Variants in ARMH4 observed in about 807,000 individuals in gnomAD.
ARMH4 encodes the protein armadillo-like helical domain-containing protein 4.
A neutral mutation model predicts 61.9 loss-of-function variants in ARMH4; 49 were observed. That is an observed-to-expected ratio of 0.79 (90% confidence interval 0.63 to 1.00). The LOEUF (loss-of-function observed/expected upper bound fraction) is 1.00. Ranked by LOEUF, ARMH4 falls within the 50% of genes least tolerant of loss-of-function variation. ARMH4 has a pLI of 0.00. For missense variants in ARMH4, 934 were observed against 930.0 expected (o/e 1.00, Z -0.06); for synonymous variants, 368 against 341.5 (o/e 1.08, Z -0.85).
At chr14:58,071,295 G>T (rs975072866) in intron 5 of ARMH4, among the ~76,000 whole-genome samples, 1 of 151,620 alleles carries the variant, frequency 6.6e-6, no homozygotes, top group Non-Finnish European at 1.5e-5. Context: ...CAATTTTTTT[G>T]GTCTCCTGGC....
chr14:58,099,211 T>C (rs912755347), intron 4 of ARMH4, among the ~76,000 whole-genome samples: 1 of 152,162 alleles, frequency 6.6e-6, no homozygotes, highest in Non-Finnish European at 1.5e-5. Flanking sequence ...ATTTTGGGAA[T>C]TGTCAATTTA....
chr14:58,068,087 G>A (rs914986957), intron 5 of ARMH4, among the ~76,000 whole-genome samples: 1 of 152,172 alleles, frequency 6.6e-6, no homozygotes, highest in African/African-American at 2.4e-5. Flanking sequence ...GCAAGAGTGT[G>A]AGTTAAGCAG....
At chr14:58,128,608 G>T (rs1244167048) in intron 4 of ARMH4, among the ~76,000 whole-genome samples, 2 of 152,154 alleles carry the variant, frequency 1.3e-5, no homozygotes, top group African/African-American at 4.8e-5. Context: ...CAAGATAAAA[G>T]ACACTGAAAT....
intron 7 of ARMH4, 49 bp from the exon 8 acceptor site, chr14:58,004,853 A>G: frequency 6.3e-7 from 1 of 1,577,244 alleles, no homozygotes; most frequent in Non-Finnish European, 8.7e-7. Context: ...CCACAGAGCA[A>G]AGCTGAGAAA....
At chr14:58,123,462 A>G (rs1038751389) in intron 4 of ARMH4, among the ~76,000 whole-genome samples, 2 of 152,170 alleles carry the variant, frequency 1.3e-5, no homozygotes, top group Non-Finnish European at 2.9e-5. Context: ...ATCATGCAAT[A>G]GCCCCTGCAA....
intron 4 of ARMH4, among the ~76,000 whole-genome samples, chr14:58,102,647 T>C (rs535175003): frequency 1.0e-4 from 15 of 144,984 alleles, no homozygotes; most frequent in Admixed American, 7.6e-4. Context: ...CCGTCTCTAC[T>C]AAAAATACAA....
intron 5 of ARMH4, among the ~76,000 whole-genome samples, chr14:58,060,887 C>T (rs72714794): frequency 1.2e-3 from 176 of 152,248 alleles, no homozygotes; most frequent in Non-Finnish European, 1.5e-3. Flanking sequence ...ATAATGCTTG[C>T]GGTGGTCACA....
intron 5 of ARMH4, among the ~76,000 whole-genome samples, chr14:58,061,423 A>T (rs1257917922): frequency 6.6e-6 from 1 of 152,038 alleles, no homozygotes; most frequent in Non-Finnish European, 1.5e-5. Context: ...CACCTTACCG[A>T]GCCCACCTCA....
intron 6 of ARMH4, among the ~76,000 whole-genome samples, chr14:58,011,763 T>C (rs1292779844): frequency 4.1e-5 from 4 of 97,434 alleles, no homozygotes; most frequent in African/African-American, 9.9e-5. Context: ...AGTCTCATAT[T>C]AGAAAAAAAA....
In ARMH4 at chr14:58,139,116, T is replaced by A. The variant is rs1460918772; in HGVS notation, c.243A>T (p.Pro81=). The A allele has an allele frequency of 1.4e-5, 23 of 1,614,270 alleles. No individual in the cohort carries two copies. Among genetic ancestry groups the A allele is most frequent in the Non-Finnish European group, 1.9e-5 (23 of 1,180,050 alleles). Residue 81 remains proline, a synonymous_variant, in exon 2 of 8, where the codon CCA becomes CCT. Coordinates refer to ENST00000267485, the MANE Select transcript of ARMH4 (RefSeq NM_001001872.4). Reference sequence around the variant, plus strand: ...ATGCTTTATTTAATGATGTTGCCGATGGTACTGCTGACATCATCATTGGAT... The same window carrying A: ...ATGCTTTATTTAATGATGTTGCCGAAGGTACTGCTGACATCATCATTGGAT... ...SEDPMMMSAV[P]SATSLNKAFS...
chr14:58,149,212 C>T (rs1887845271), intron 1 of ARMH4, among the ~76,000 whole-genome samples: 1 of 152,088 alleles, frequency 6.6e-6, no homozygotes, highest in Non-Finnish European at 1.5e-5. Context: ...CTCTATTAAC[C>T]CAGCTGTGGC....
chr14:58,062,415 A>G (rs563483955), intron 5 of ARMH4, among the ~76,000 whole-genome samples: 2 of 152,336 alleles, frequency 1.3e-5, no homozygotes, highest in South Asian at 2.1e-4. Context: ...GGCTCTATGC[A>G]TTAGCTACAA....
At chr14:58,108,986 A>ACTCATCTT (rs1211651774) in intron 4 of ARMH4, among the ~76,000 whole-genome samples, 1 of 151,786 alleles carries the variant, frequency 6.6e-6, no homozygotes, top group Non-Finnish European at 1.5e-5. Context: ...CATGTCTTTC[A>ACTCATCTT]CTCATCTTTC....
intron 5 of ARMH4, among the ~76,000 whole-genome samples, chr14:58,053,562 C>T (rs186426466): frequency 6.4e-4 from 97 of 152,340 alleles, no homozygotes; most frequent in African/African-American, 2.3e-3. Context: ...CCAGGGAAGC[C>T]TTCTCTGACC....
intron 5 of ARMH4, among the ~76,000 whole-genome samples, chr14:58,042,591 A>C (rs972254081): frequency 6.6e-6 from 1 of 152,144 alleles, no homozygotes; most frequent in Non-Finnish European, 1.5e-5. Context: ...GCAAGAAATA[A>C]CTAAGATCAG....
intron 5 of ARMH4, among the ~76,000 whole-genome samples, chr14:58,019,297 G>A (rs1172151963): frequency 6.6e-6 from 1 of 152,106 alleles, no homozygotes; most frequent in African/African-American, 2.4e-5. Flanking sequence ...GACTAAGTAT[G>A]TTATTAGCTT....
At chr14:58,093,290 C>A (rs147512365) in intron 5 of ARMH4, among the ~76,000 whole-genome samples, 1 of 152,190 alleles carries the variant, frequency 6.6e-6, no homozygotes, top group African/African-American at 2.4e-5. Context: ...ATACACCTGG[C>A]CTAAGTGATC....
chr14:58,021,637 T>C lies in ARMH4; in HGVS notation c.2090-9487A>G, dbSNP rs56775294. Among the ~76,000 whole-genome samples, 37 of 152,244 alleles carry C rather than the reference T, an allele frequency of 2.4e-4. 1 individual carries two copies. The highest frequency in any genetic ancestry group is 8.9e-4 in the African/African-American group (37 of 41,552). Reference sequence around the variant, plus strand: ...GTCCAGTCAAGTTGACACATAAAATTATCCATCACAGAGTGAGACTGGAGG... The same window carrying C: ...GTCCAGTCAAGTTGACACATAAAATCATCCATCACAGAGTGAGACTGGAGG... On this transcript the variant is annotated intron_variant, in intron 5 of 7. Coordinates refer to ENST00000267485, the MANE Select transcript of ARMH4 (RefSeq NM_001001872.4).
intron 5 of ARMH4, among the ~76,000 whole-genome samples, chr14:58,076,584 C>A (rs565660621): frequency 2.9e-4 from 44 of 152,144 alleles, no homozygotes; most frequent in Non-Finnish European, 4.0e-4. Flanking sequence ...TATACTCGAA[C>A]ACATTGAATT....
Sources: allele counts gnomAD v4.1 joint callset (sites outside exome capture counted in the v4.1 genomes callset), GRCh38; gene constraint gnomAD v4.1.1; transcripts MANE v1.5; gene names NCBI Gene and HGNC (gene_info 2026-07-23, HGNC 2026-07-21).